Variants in CCR5AS observed in about 807,000 individuals in gnomAD.
CCR5AS encodes CCR5 antisense RNA.
chr3:46,372,785 A>G lies in CCR5AS; in HGVS notation n.392-1368T>C, dbSNP rs372912694. On this transcript the variant is annotated intron_variant and non_coding_transcript_variant, in intron 2 of 3. Coordinates refer to ENST00000451485, the Ensembl canonical transcript of CCR5AS. Reference sequence around the variant, plus strand: ...GAGAGTTAATTCAATGTAGACATCTATGTAGGCAATTAAAAACCTATTGAT... The same window carrying G: ...GAGAGTTAATTCAATGTAGACATCTGTGTAGGCAATTAAAAACCTATTGAT... The G allele has an allele frequency of 4.6e-5, 35 of 757,734 alleles. No individual in the cohort carries two copies. In the African/African-American group the frequency reaches 5.7e-4, roughly 12 times the overall value. 46.9% of individuals were successfully genotyped at this position (757,734 alleles called of 1,614,324 possible). A position where few individuals can be genotyped will look rare whatever the true frequency, so the allele number is the denominator to read the frequency against.
intron 2 of CCR5AS, among the ~76,000 whole-genome samples, chr3:46,372,253 G>A (rs1384398700): frequency 6.6e-6 from 1 of 152,098 alleles, no homozygotes; most frequent in Non-Finnish European, 1.5e-5. Flanking sequence ...AGTTGCAGCC[G>A]GGCATGGTGG....
intron 3 of CCR5AS, among the ~76,000 whole-genome samples, chr3:46,370,315 G>A (rs1701644651): frequency 6.6e-6 from 1 of 151,948 alleles, no homozygotes; most frequent in East Asian, 1.9e-4. Flanking sequence ...GCTCACCCGT[G>A]AGCCCATAGT....
intron 2 of CCR5AS, among the ~76,000 whole-genome samples, chr3:46,391,592 G>A (rs558833700): frequency 5.9e-5 from 9 of 152,266 alleles, no homozygotes; most frequent in East Asian, 3.9e-4. Context: ...GAGCCTAAAC[G>A]CTAACTGATT....
intron 2 of CCR5AS, among the ~76,000 whole-genome samples, chr3:46,389,546 C>T (rs1222939927): frequency 6.6e-6 from 1 of 152,086 alleles, no homozygotes; most frequent in Admixed American, 6.5e-5. Flanking sequence ...GGCAACAGGT[C>T]GTGGGCCTGG....
intron 2 of CCR5AS, among the ~76,000 whole-genome samples, chr3:46,385,083 A>G (rs1340076605): frequency 6.6e-6 from 1 of 152,156 alleles, no homozygotes; most frequent in Non-Finnish European, 1.5e-5. Context: ...GAAGCAAAGC[A>G]TATGGTGAAG....
At chr3:46,397,140 C>T (rs1438062794) in intron 1 of CCR5AS, among the ~76,000 whole-genome samples, 2 of 152,000 alleles carry the variant, frequency 1.3e-5, no homozygotes, top group African/African-American at 4.8e-5. Context: ...AACACCTACC[C>T]TGGGAATCCT....
At chr3:46,377,941 G>C (rs537947789) in intron 2 of CCR5AS, among the ~76,000 whole-genome samples, 2 of 152,202 alleles carry the variant, frequency 1.3e-5, no homozygotes, top group Non-Finnish European at 2.9e-5. Context: ...TCCTGACCTC[G>C]TGATCTGCCC....
intron 2 of CCR5AS, among the ~76,000 whole-genome samples, chr3:46,384,317 G>A (rs1268714374): frequency 2.6e-5 from 4 of 152,208 alleles, no homozygotes; most frequent in Admixed American, 6.5e-5. Flanking sequence ...GTGCCATGTT[G>A]TCTGTTCCTT....
At chr3:46,364,787 A>C (rs1701584430) in exon 4 of CCR5AS, among the ~76,000 whole-genome samples, 1 of 152,208 alleles carries the variant, frequency 6.6e-6, no homozygotes. Context: ...GGAGGAGGTC[A>C]AAATACCAAC....
chr3:46,395,738 C>A (rs529777268), intron 1 of CCR5AS, among the ~76,000 whole-genome samples: 1 of 152,170 alleles, frequency 6.6e-6, no homozygotes, highest in Non-Finnish European at 1.5e-5. Flanking sequence ...GAGGACAGGA[C>A]CAGCCTCTGA....
intron 2 of CCR5AS, chr3:46,373,092 A>G: frequency 6.2e-7 from 1 of 1,614,202 alleles, no homozygotes; most frequent in Non-Finnish European, 8.5e-7. Context: ...GCTGAAGAGC[A>G]TGACTGACAT....
intron 2 of CCR5AS, among the ~76,000 whole-genome samples, chr3:46,381,632 A>G (rs4683220): frequency 1.3e-5 from 2 of 152,114 alleles, no homozygotes; most frequent in East Asian, 3.8e-4. Context: ...AATATTGTCT[A>G]TGTTCACTTT....
chr3:46,379,723 C>T (rs1347140857), intron 2 of CCR5AS, among the ~76,000 whole-genome samples: 1 of 151,934 alleles, frequency 6.6e-6, no homozygotes, highest in Non-Finnish European at 1.5e-5. Flanking sequence ...AGTGAAACCC[C>T]TGCCTCTACT....
intron 2 of CCR5AS, chr3:46,373,006 C>T (rs745372153): frequency 3.2e-5 from 52 of 1,614,006 alleles, no homozygotes; most frequent in Non-Finnish European, 3.9e-5. Context: ...CTCCTGCCTC[C>T]GCTCTACTCA....
chr3:46,405,484 T>A (rs1216196615), intron 1 of CCR5AS, among the ~76,000 whole-genome samples: 3 of 152,176 alleles, frequency 2.0e-5, no homozygotes, highest in African/African-American at 7.2e-5. Flanking sequence ...AACTGATCCA[T>A]GAGTATCGAG....
intron 3 of CCR5AS, among the ~76,000 whole-genome samples, chr3:46,370,658 C>A (rs142710698): frequency 1.3e-5 from 2 of 152,096 alleles, no homozygotes; most frequent in Admixed American, 6.5e-5. Context: ...TGTAAATGTT[C>A]TTCTAGCTCT....
At chr3:46,390,411 T>C (rs1402425722) in intron 2 of CCR5AS, among the ~76,000 whole-genome samples, 1 of 151,930 alleles carries the variant, frequency 6.6e-6, no homozygotes, top group Non-Finnish European at 1.5e-5. Context: ...ACGGGTAGGA[T>C]AGGGGAGTTG....
chr3:46,404,322 TCTCTC>T (rs1454248079), intron 1 of CCR5AS, among the ~76,000 whole-genome samples: 2 of 79,598 alleles, frequency 2.5e-5, no homozygotes, highest in Non-Finnish European at 2.5e-5. Flanking sequence ...TCTCTCTCTC[TCTCTC>T]TTTTTTTTTT....
At chr3:46,401,346 A>C (rs1343596224) in intron 1 of CCR5AS, among the ~76,000 whole-genome samples, 7 of 152,222 alleles carry the variant, frequency 4.6e-5, no homozygotes, top group Admixed American at 1.3e-4. Flanking sequence ...AGACTATGTT[A>C]GTCCAAATCT....
Sources: gnomAD v4.1 joint callset for allele counts (sites outside exome capture counted in the v4.1 genomes callset) on GRCh38, gnomAD v4.1.1 for gene constraint, MANE v1.5 for transcripts, NCBI Gene and HGNC (gene_info 2026-07-23, HGNC 2026-07-21) for gene names.